The following PBX3 variants were observed in gnomAD, a reference collection of about 807,000 sequenced individuals.
PBX3 encodes PBX homeobox 3, also known as pre-B-cell leukemia transcription factor 3.
Under a neutral mutation model 48.5 loss-of-function variants are expected in PBX3, and 14 were observed. That is an observed-to-expected ratio of 0.29 (90% CI 0.19 to 0.45). The LOEUF (loss-of-function observed/expected upper bound fraction) is 0.45. Among genes scored for constraint, PBX3 ranks in the 20% least tolerant of loss-of-function variants. The probability of loss-of-function intolerance (pLI) is 1.00; values close to 1 mark genes in which losing one functional copy is unlikely to be tolerated. For missense variants in PBX3, 386 were observed against 546.7 expected, an observed-to-expected ratio of 0.71 and a Z score of 2.93; for synonymous variants, 210 against 200.3, an observed-to-expected ratio of 1.05 and a Z score of -0.41.
At chr9:125,747,988 G>A (rs1229181421) in intron 1 of PBX3, among the ~76,000 whole-genome samples, 3 of 151,684 alleles carry the variant, frequency 2.0e-5, no homozygotes, top group African/African-American at 7.3e-5. Context: ...GCCGGGAAGT[G>A]TAACTTTCTC....
chr9:125,912,140 TAGAA>T (rs1841218133), intron 2 of PBX3, among the ~76,000 whole-genome samples: 1 of 152,184 alleles, frequency 6.6e-6, no homozygotes, highest in Non-Finnish European at 1.5e-5. Context: ...GTTCTTCTGT[TAGAA>T]AGGCTCCTAC....
intron 2 of PBX3, among the ~76,000 whole-genome samples, chr9:125,792,856 G>A (rs1245774365): frequency 6.6e-6 from 1 of 151,506 alleles, no homozygotes; most frequent in East Asian, 2.0e-4. Context: ...GTGCCACCAC[G>A]CCCGGCTAAT....
intron 3 of PBX3, among the ~76,000 whole-genome samples, chr9:125,920,113 C>T (rs753431536): frequency 6.6e-6 from 1 of 152,116 alleles, no homozygotes; most frequent in Non-Finnish European, 1.5e-5. Context: ...GGAAACAAAA[C>T]TATTTTATTT....
At chr9:125,865,715 CT>C in intron 2 of PBX3, among the ~76,000 whole-genome samples, 1 of 152,122 alleles carries the variant, frequency 6.6e-6, no homozygotes, top group Non-Finnish European at 1.5e-5. Flanking sequence ...TGTCACCTGT[CT>C]GGAGCACTAA....
rs370075964 is a variant in PBX3 at position 125,887,090 on chromosome 9, T to C, written c.275-28596T>C. Among the ~76,000 whole-genome samples, 27 of 152,312 alleles carry C rather than the reference T, an allele frequency of 1.8e-4. No individual in the cohort carries two copies. In the East Asian group the frequency reaches 2.1e-3, roughly 12 times the overall value. On this transcript the variant is annotated intron_variant, in intron 2 of 8. Transcript: ENST00000373489. ...AGAAGACAACCCAGACCATTTTGGTTGTATGCACAGCTTTCAACCAACACA... is the reference window on the plus strand; with the variant it reads ...AGAAGACAACCCAGACCATTTTGGTCGTATGCACAGCTTTCAACCAACACA...
chr9:125,890,246 G>A (rs1015252942), intron 2 of PBX3, among the ~76,000 whole-genome samples: 3 of 152,174 alleles, frequency 2.0e-5, no homozygotes, highest in Non-Finnish European at 4.4e-5. Context: ...TTCCCAACCA[G>A]CTTCAAAACA....
At chr9:125,926,258 G>A (rs1020078930) in intron 3 of PBX3, among the ~76,000 whole-genome samples, 1 of 152,204 alleles carries the variant, frequency 6.6e-6, no homozygotes, top group African/African-American at 2.4e-5. Flanking sequence ...GGTGGCTCAC[G>A]CCTGTAATCC....
intron 2 of PBX3, among the ~76,000 whole-genome samples, chr9:125,883,106 C>T (rs1366101897): frequency 6.6e-6 from 1 of 152,188 alleles, no homozygotes; most frequent in East Asian, 1.9e-4. Flanking sequence ...AGCGATAATA[C>T]ATAGTGTTGA....
chr9:125,883,147 A>G (rs1371540042), intron 2 of PBX3, among the ~76,000 whole-genome samples: 1 of 152,234 alleles, frequency 6.6e-6, no homozygotes, highest in Non-Finnish European at 1.5e-5. Flanking sequence ...ATATACAATC[A>G]TTTATTCTGT....
At chr9:125,785,024 T>C (rs1347260261) in intron 2 of PBX3, among the ~76,000 whole-genome samples, 4 of 152,238 alleles carry the variant, frequency 2.6e-5, no homozygotes, top group Non-Finnish European at 2.9e-5. Context: ...TTTGTTACTT[T>C]ACTGTTTGCC....
At chr9:125,926,313 AGTT>A (rs1841574334) in intron 3 of PBX3, among the ~76,000 whole-genome samples, 1 of 152,140 alleles carries the variant, frequency 6.6e-6, no homozygotes, top group Non-Finnish European at 1.5e-5. Flanking sequence ...TGAGGTCAGG[AGTT>A]CGAGACCAGC....
At chr9:125,872,814 T>G (rs1840158213) in intron 2 of PBX3, among the ~76,000 whole-genome samples, 1 of 151,198 alleles carries the variant, frequency 6.6e-6, no homozygotes, top group Non-Finnish European at 1.5e-5. Context: ...AGAGGGACAC[T>G]ATATCTTGAT....
chr9:125,912,539 A>G (rs577228018), intron 2 of PBX3, among the ~76,000 whole-genome samples: 5 of 152,284 alleles, frequency 3.3e-5, no homozygotes, highest in African/African-American at 1.2e-4. Flanking sequence ...AACAAAGCCA[A>G]GTTCATTGTT....
chr9:125,837,556 T>G (rs1839172889), intron 2 of PBX3, among the ~76,000 whole-genome samples: 1 of 151,990 alleles, frequency 6.6e-6, no homozygotes, highest in South Asian at 2.1e-4. Context: ...TTTAAAATGT[T>G]AAAATGAAAA....
At chr9:125,934,193 AG>A (rs1481464739) in intron 4 of PBX3, among the ~76,000 whole-genome samples, 1 of 152,198 alleles carries the variant, frequency 6.6e-6, no homozygotes, top group Non-Finnish European at 1.5e-5. Flanking sequence ...TGTTTTGATC[AG>A]ACCTAGATTT....
intron 3 of PBX3, among the ~76,000 whole-genome samples, chr9:125,925,422 AT>A (rs1841553141): frequency 6.6e-6 from 1 of 152,082 alleles, no homozygotes; most frequent in Non-Finnish European, 1.5e-5. Context: ...GAAATACCTC[AT>A]TAACAGTTTT....
intron 2 of PBX3, among the ~76,000 whole-genome samples, chr9:125,808,906 T>A (rs1838205492): frequency 6.6e-6 from 1 of 152,160 alleles, no homozygotes. Context: ...CTTAACGAAG[T>A]TTATCTAACA....
intron 2 of PBX3, among the ~76,000 whole-genome samples, chr9:125,879,651 T>C (rs988637657): frequency 1.3e-5 from 2 of 152,180 alleles, no homozygotes; most frequent in African/African-American, 4.8e-5. Flanking sequence ...ATTTTGTTGA[T>C]TAAAAGGACA....
intron 2 of PBX3, among the ~76,000 whole-genome samples, chr9:125,771,089 G>A (rs1275692356): frequency 6.6e-6 from 1 of 152,156 alleles, no homozygotes; most frequent in African/African-American, 2.4e-5. Flanking sequence ...TGATATACTT[G>A]TCTTTAATCA....
Sources: allele counts gnomAD v4.1 joint callset (sites outside exome capture counted in the v4.1 genomes callset), GRCh38; gene constraint gnomAD v4.1.1; transcripts MANE v1.5; gene names NCBI Gene and HGNC (gene_info 2026-07-23, HGNC 2026-07-21).